The following HSPA14 variants were observed in gnomAD, a reference collection of about 807,000 sequenced individuals.
HSPA14 encodes heat shock protein family A (Hsp70) member 14, also known as heat shock 70 kDa protein 14.
HSPA14 carries 37 observed loss-of-function variants against 65.5 expected under a neutral mutation model. The observed-to-expected ratio is 0.56, with a 90% CI of 0.43 to 0.74. The LOEUF (loss-of-function observed/expected upper bound fraction) is 0.74, where lower values mean the gene tolerates loss of function less well. Ranked by LOEUF, HSPA14 falls within the 30% of genes least tolerant of loss-of-function variation. The pLI is 0.00. For synonymous variants in HSPA14, 203 were observed against 214.2 expected (o/e 0.95, Z 0.46); for missense variants, 564 against 607.6 (o/e 0.93, Z 0.75).
Position 14,842,727 on chromosome 10 carries a change from A to G in HSPA14, c.221+2570A>G. ...AAATCAAAAAGGACTCAGGCAGCTGATCATCAGCCTATCTTGAAAACAGTT... is the reference window on the plus strand; with the variant it reads ...AAATCAAAAAGGACTCAGGCAGCTGGTCATCAGCCTATCTTGAAAACAGTT... On this transcript the variant is annotated intron_variant, in intron 3 of 13. Transcript: ENST00000378372. This position sits in a 1 kb window ranked among gnomAD's most constrained non-coding sequence, Gnocchi z 5.2. 1.1e-5 allele frequency: 17 copies of G among 1,536,538 alleles called. No homozygotes were observed. The highest frequency in any genetic ancestry group is 1.5e-5 in the Non-Finnish European group (17 of 1,146,992).
intron 12 of HSPA14, among the ~76,000 whole-genome samples, chr10:14,868,759 A>ATT (rs1219320851): frequency 1.3e-5 from 2 of 152,214 alleles, no homozygotes; most frequent in Non-Finnish European, 1.5e-5. Flanking sequence ...CTTATACTGA[A>ATT]TTTTTTACAA....
intron 10 of HSPA14, among the ~76,000 whole-genome samples, chr10:14,858,583 C>G (rs1018120287): frequency 2.6e-5 from 4 of 152,142 alleles, no homozygotes; most frequent in Admixed American, 2.6e-4. Context: ...ACAGGAGCAG[C>G]TGCCTGGGCC....
intron 9 of HSPA14, 86 bp from the exon 10 acceptor site, chr10:14,855,755 A>G: frequency 1.5e-6 from 1 of 663,724 alleles, no homozygotes; most frequent in Non-Finnish European, 2.6e-6. Context: ...AAGAAAAGTG[A>G]TATTTGTTTG....
intron 10 of HSPA14, among the ~76,000 whole-genome samples, chr10:14,863,508 G>A (rs1205647917): frequency 6.6e-6 from 1 of 152,208 alleles, no homozygotes; most frequent in Non-Finnish European, 1.5e-5. Context: ...TGAACAAGGT[G>A]TCTATCATAA....
chr10:14,855,637 C>T (rs1445813823), intron 9 of HSPA14, among the ~76,000 whole-genome samples: 6 of 152,140 alleles, frequency 3.9e-5, no homozygotes, highest in Admixed American at 6.5e-5. Context: ...CCTAGACTCT[C>T]CTGTCTCCAT....
chr10:14,853,975 C>A, intron 8 of HSPA14, 150 bp from the exon 9 acceptor site: 1 of 606,524 alleles, frequency 1.6e-6, no homozygotes, highest in Non-Finnish European at 2.7e-6. Flanking sequence ...CCATCTCAGC[C>A]TCCCAAAGTT....
Position 14,851,134 on chromosome 10 carries a change from G to A in HSPA14, c.468-85G>A, listed in dbSNP as rs118075029. On this transcript the variant is annotated intron_variant, in intron 6 of 13. Transcript: ENST00000378372. ...TACTTATGAAATTTTAGTAGCTTTT[G>A]TATAAAATCTTTAGCAGATCATTTC... The A allele has an allele frequency of 3.8e-3, 2,857 of 759,516 alleles. 95 individuals carry two copies. The East Asian group carries it at 0.063, about 17-fold the overall frequency. The allele number at this position is 759,516 out of a possible 1,614,324, so 47.0% of individuals were successfully genotyped here. A position where few individuals can be genotyped will look rare whatever the true frequency, so the allele number is the denominator to read the frequency against.
rs1834038548 is a variant in HSPA14, at chr10:14,845,558, G to C, written c.222-3051G>C. The C allele has an allele frequency of 5.1e-6, 5 of 981,064 alleles. No homozygotes were observed. The South Asian group carries it at 2.4e-4, about 46-fold the overall frequency. 60.8% of individuals were successfully genotyped at this position (981,064 alleles called of 1,614,324 possible). On this transcript the variant is annotated intron_variant, in intron 3 of 13. Transcript: ENST00000378372. ...CTGGATTGGAATCCTGTCACAGTTTGTTTCATCAGACAAATCACTTGCCCT... is the reference window on the plus strand; with the variant it reads ...CTGGATTGGAATCCTGTCACAGTTTCTTTCATCAGACAAATCACTTGCCCT...
intron 3 of HSPA14, among the ~76,000 whole-genome samples, chr10:14,841,760 A>G (rs1245843164): frequency 6.6e-6 from 1 of 152,242 alleles, no homozygotes; most frequent in Non-Finnish European, 1.5e-5. Flanking sequence ...ACACAGAGCC[A>G]CAGCGTGCTG....
At chr10:14,847,846 G>C (rs530673018) in intron 3 of HSPA14, among the ~76,000 whole-genome samples, 44 of 152,328 alleles carry the variant, frequency 2.9e-4, no homozygotes, top group African/African-American at 1.0e-3. Flanking sequence ...TCAAGGGACA[G>C]AAGAACTGTG....
At chr10:14,863,923 A>C (rs924955308) in intron 10 of HSPA14, among the ~76,000 whole-genome samples, 2 of 148,030 alleles carry the variant, frequency 1.4e-5, no homozygotes, top group East Asian at 2.0e-4. Context: ...GCTCTTAACC[A>C]CCCTCCCTCC....
At chr10:14,847,126 G>C in intron 3 of HSPA14, 1 of 653,766 alleles carries the variant, frequency 1.5e-6, no homozygotes, top group Non-Finnish European at 1.9e-6. Flanking sequence ...TGTGCTTTCT[G>C]TCTTCAGAGG....
rs770982562 is a variant in HSPA14 at position 14,842,562 on chromosome 10, A to G, written c.221+2405A>G. ...GGTGAGCCACCACACTGTCCATTTT[A>G]TGATACGTTGGATCAGCTTCTCCGA... On this transcript the variant is annotated intron_variant, in intron 3 of 13. Coordinates refer to ENST00000378372, the MANE Select transcript of HSPA14 (RefSeq NM_016299.4). The surrounding 1 kb of genome is among the most constrained non-coding windows in gnomAD (Gnocchi z 5.2). 1.9e-5 allele frequency: 29 copies of G among 1,536,034 alleles called. No homozygotes were observed. The highest frequency in any genetic ancestry group is 2.4e-5 in the Non-Finnish European group (28 of 1,146,926).
At chr10:14,855,518 G>C (rs952488740) in intron 9 of HSPA14, among the ~76,000 whole-genome samples, 2 of 152,038 alleles carry the variant, frequency 1.3e-5, no homozygotes, top group East Asian at 3.9e-4. Context: ...ATGCTATATG[G>C]GTATGTGTTT....
chr10:14,848,472 G>C, intron 3 of HSPA14, 137 bp from the exon 4 acceptor site: 2 of 583,890 alleles, frequency 3.4e-6, no homozygotes, highest in East Asian at 5.7e-5. Flanking sequence ...AAGACTTTTA[G>C]TATTAAGCAG....
intron 10 of HSPA14, among the ~76,000 whole-genome samples, chr10:14,866,333 C>T (rs1026835061): frequency 6.6e-6 from 1 of 152,150 alleles, no homozygotes; most frequent in Non-Finnish European, 1.5e-5. Flanking sequence ...GTGAAAGAGG[C>T]CTAGCTTTCA....
Position 14,854,125 on chromosome 10 carries a change from A to G in HSPA14, c.735A>G (p.Arg245=), listed in dbSNP as rs745647778. 1.3e-6 allele frequency: 2 copies of G among 1,590,152 alleles called. No homozygotes were observed. The highest frequency in any genetic ancestry group is 3.8e-5 in the Admixed American group (2 of 52,872). Residue 245 remains arginine, a splice_region_variant and synonymous_variant, in exon 9 of 14, where the codon AGA becomes AGG. Coordinates refer to ENST00000378372, the MANE Select transcript of HSPA14 (RefSeq NM_016299.4). Reference sequence around the variant, plus strand: ...CCCAAAGGCTATGTTTTTAATTTAGATCCTTCAAACATGATGTGAGAGGAA... The same window carrying G: ...CCCAAAGGCTATGTTTTTAATTTAGGTCCTTCAAACATGATGTGAGAGGAA... ...LAQYLASEFQ[R]SFKHDVRGNA... is the part of the protein sequence containing the mutation.
intron 13 of HSPA14, 137 bp from the exon 14 acceptor site, chr10:14,871,391 A>C (rs531261491): frequency 1.7e-6 from 1 of 600,750 alleles, no homozygotes; most frequent in Admixed American, 3.5e-5. Context: ...GATTGTGTTT[A>C]TTCTTTACAT....
In HSPA14 at chr10:14,854,156, C is replaced by T. The variant is rs201201285; in HGVS notation, c.766C>T (p.Arg256Ter). 11 of 1,602,260 alleles carry T rather than the reference C, an allele frequency of 6.9e-6. No individual in the cohort carries two copies. The highest frequency in any genetic ancestry group is 2.3e-5 in the East Asian group (1 of 44,254). ...CAAACATGATGTGAGAGGAAATGCG[C>T]GAGCCATGATGAAATTAACGAACAG... ...SFKHDVRGNA[R>*]AMMKLTNSAE... Residue 256 changes from arginine to a stop codon, truncating the protein, a stop_gained, in exon 9 of 14, where the codon CGA becomes TGA. Coordinates refer to ENST00000378372, the MANE Select transcript of HSPA14 (RefSeq NM_016299.4). LOFTEE classifies it high-confidence loss of function.
Sources: allele counts gnomAD v4.1 joint callset (sites outside exome capture counted in the v4.1 genomes callset), GRCh38; gene constraint gnomAD v4.1.1; non-coding constraint Gnocchi (gnomAD v3.1); transcripts MANE v1.5; gene names NCBI Gene and HGNC (gene_info 2026-07-23, HGNC 2026-07-21).